The following RSRC1 variants were observed in gnomAD, a reference collection of about 807,000 sequenced individuals.
The protein encoded by RSRC1 is arginine and serine rich coiled-coil 1.
Under a neutral mutation model 49.1 loss-of-function variants are expected in RSRC1, and 39 were observed. The ratio of observed to expected loss-of-function variants is 0.79; its 90% confidence interval spans 0.61 to 1.04. RSRC1 has a LOEUF of 1.04. Ranked by LOEUF, RSRC1 falls within the 50% of genes least tolerant of loss-of-function variation. The pLI, the probability that RSRC1 is intolerant of heterozygous loss-of-function variation, is 0.00. For missense variants in RSRC1, 388 were observed against 402.4 expected, an observed-to-expected ratio of 0.96 and a Z score of 0.31; for synonymous variants, 143 against 130.8, an observed-to-expected ratio of 1.09 and a Z score of -0.63.
intron 3 of RSRC1, among the ~76,000 whole-genome samples, chr3:158,138,601 G>A (rs1268521111): frequency 6.6e-6 from 1 of 152,220 alleles, no homozygotes; most frequent in Non-Finnish European, 1.5e-5. Flanking sequence ...ACACTTAAAT[G>A]CAGTCCCTGC....
chr3:158,351,693 G>T (rs1247969783), intron 5 of RSRC1, among the ~76,000 whole-genome samples: 1 of 151,752 alleles, frequency 6.6e-6, no homozygotes, highest in Non-Finnish European at 1.5e-5. Context: ...TAGTTAGAAT[G>T]ATCCTGAGAT....
intron 3 of RSRC1, among the ~76,000 whole-genome samples, chr3:158,124,758 T>C (rs1362872710): frequency 6.6e-6 from 1 of 152,140 alleles, no homozygotes; most frequent in Non-Finnish European, 1.5e-5. Flanking sequence ...AACTGTAATG[T>C]CTGCTGTTTC....
intron 3 of RSRC1, among the ~76,000 whole-genome samples, chr3:158,201,024 A>T (rs533500787): frequency 6.6e-6 from 1 of 152,000 alleles, no homozygotes; most frequent in East Asian, 1.9e-4. Flanking sequence ...TTTAGTATTT[A>T]TTGTAATGCA....
intron 6 of RSRC1, among the ~76,000 whole-genome samples, chr3:158,401,607 G>T (rs1234978599): frequency 6.6e-6 from 1 of 151,900 alleles, no homozygotes; most frequent in African/African-American, 2.4e-5. Flanking sequence ...TTTCCTATTA[G>T]CAAATACTGG....
intron 5 of RSRC1, among the ~76,000 whole-genome samples, chr3:158,327,974 T>G (rs1272848672): frequency 1.4e-4 from 22 of 152,250 alleles, no homozygotes; most frequent in Non-Finnish European, 2.8e-4. Context: ...TTGATCCCTT[T>G]ACCATTATGT....
intron 4 of RSRC1, among the ~76,000 whole-genome samples, chr3:158,272,040 T>G (rs1018788562): frequency 6.6e-6 from 1 of 150,900 alleles, no homozygotes; most frequent in South Asian, 2.1e-4. Context: ...CAATTTGTTG[T>G]TTTTTTTTCC....
At position 158,123,854 on chromosome 3, in the gene RSRC1, A is replaced by G. The variant is rs756773950; in HGVS notation, c.195-12A>G. On this transcript the variant is annotated splice_polypyrimidine_tract_variant and intron_variant, in intron 2 of 9. Transcript: ENST00000611884. Reference sequence around the variant, plus strand: ...TTTTATAGCAGTGATCTTTGATTATATTTTATTTCAGACGCAGGCATCGAT... The same window carrying G: ...TTTTATAGCAGTGATCTTTGATTATGTTTTATTTCAGACGCAGGCATCGAT... 26 of 1,594,076 alleles carry G rather than the reference A, an allele frequency of 1.6e-5. No homozygotes were observed. Among genetic ancestry groups the G allele is most frequent in the Middle Eastern group, 3.4e-4 (2 of 5,968 alleles).
At chr3:158,411,681 C>T (rs1438471281) in intron 6 of RSRC1, among the ~76,000 whole-genome samples, 4 of 151,938 alleles carry the variant, frequency 2.6e-5, no homozygotes, top group Non-Finnish European at 5.9e-5. Context: ...CCACACCTGG[C>T]AGCATTTTAA....
At chr3:158,271,202 CA>C (rs1222492089) in intron 4 of RSRC1, among the ~76,000 whole-genome samples, 2 of 152,078 alleles carry the variant, frequency 1.3e-5, no homozygotes, top group Admixed American at 1.3e-4. Context: ...ATGAGTTTTA[CA>C]AATCCACATT....
At chr3:158,148,366 C>CGTGTGT (rs71144442) in intron 3 of RSRC1, among the ~76,000 whole-genome samples, 4,986 of 149,738 alleles carry the variant, frequency 0.033, 282 homozygotes, top group African/African-American at 0.12. Flanking sequence ...TGTGTGTGTG[C>CGTGTGT]GTGTGTGTGT....
At chr3:158,410,021 A>G (rs1432383313) in intron 6 of RSRC1, among the ~76,000 whole-genome samples, 1 of 152,136 alleles carries the variant, frequency 6.6e-6, no homozygotes, top group African/African-American at 2.4e-5. Context: ...TTGTGAAAGG[A>G]TATAGGAAAG....
chr3:158,463,045 C>A (rs1037581694), intron 7 of RSRC1, among the ~76,000 whole-genome samples: 5 of 151,990 alleles, frequency 3.3e-5, no homozygotes, highest in African/African-American at 1.2e-4. Context: ...ATGAATAAAT[C>A]AATGACCAAT....
intron 5 of RSRC1, among the ~76,000 whole-genome samples, chr3:158,307,406 C>A (rs1018554050): frequency 2.0e-5 from 3 of 151,820 alleles, no homozygotes; most frequent in African/African-American, 7.2e-5. Context: ...GGCTTATATT[C>A]TTAAGTCACT....
In RSRC1 at chr3:158,354,938, T is replaced by A. The variant is rs764228441; in HGVS notation, c.583+30T>A. 8 of 1,476,766 alleles carry A rather than the reference T, an allele frequency of 5.4e-6. No individual in the cohort carries two copies. The South Asian group carries it at 1.1e-4, about 20-fold the overall frequency. The allele number at this position is 1,476,766 out of a possible 1,614,324, so 91.5% of individuals were successfully genotyped here. A position where few individuals can be genotyped will look rare whatever the true frequency, so the allele number is the denominator to read the frequency against. On this transcript the variant is annotated intron_variant, in intron 6 of 9. Transcript: ENST00000611884. ...GTGTTGATAATTAACTTTTATTAAA[T>A]GAAGAAGTGACGAGTAAACCCTAGG...
intron 1 of RSRC1, chr3:158,110,605 G>A (rs1408947756): frequency 6.6e-6 from 1 of 152,356 alleles, no homozygotes; most frequent in Non-Finnish European, 1.5e-5. Flanking sequence ...CTAGCTCTAG[G>A]TAGGGTGGAG....
At chr3:158,175,781 G>T (rs1004307535) in intron 3 of RSRC1, among the ~76,000 whole-genome samples, 2 of 152,038 alleles carry the variant, frequency 1.3e-5, no homozygotes, top group Admixed American at 6.6e-5. Context: ...TTTACATAGT[G>T]CCATATTTTT....
At chr3:158,186,926 A>G (rs1489089854) in intron 3 of RSRC1, among the ~76,000 whole-genome samples, 1 of 151,982 alleles carries the variant, frequency 6.6e-6, no homozygotes, top group African/African-American at 2.4e-5. Flanking sequence ...TTGTAACAAG[A>G]TAGGGTTAAA....
intron 6 of RSRC1, among the ~76,000 whole-genome samples, chr3:158,451,793 C>G (rs1737056455): frequency 6.6e-6 from 1 of 151,866 alleles, no homozygotes. Context: ...TAAATAGAAC[C>G]ACTAATCACT....
intron 6 of RSRC1, among the ~76,000 whole-genome samples, chr3:158,422,175 C>G (rs1397955055): frequency 6.7e-6 from 1 of 150,048 alleles, no homozygotes; most frequent in East Asian, 2.0e-4. Flanking sequence ...GCTGCACCCA[C>G]TAACTCATCA....
Sources: gnomAD v4.1 joint callset for allele counts (sites outside exome capture counted in the v4.1 genomes callset) on GRCh38, gnomAD v4.1.1 for gene constraint, MANE v1.5 for transcripts, NCBI Gene and HGNC (gene_info 2026-07-23, HGNC 2026-07-21) for gene names.